CREB5: variants seen among roughly 807,000 people sequenced by gnomAD.
The protein encoded by CREB5 is cyclic AMP-responsive element-binding protein 5.
Under a neutral mutation model 57.1 loss-of-function variants are expected in CREB5, and 19 were observed. That is an observed-to-expected ratio of 0.33 (90% CI 0.23 to 0.49). The LOEUF is 0.49. CREB5 is among the 20% of genes least tolerant of loss of function. The pLI is 0.99. For missense variants in CREB5, 579 were observed against 671.6 expected, an observed-to-expected ratio of 0.86 and a Z score of 1.52; for synonymous variants, 238 against 238.3, an observed-to-expected ratio of 1.00 and a Z score of 0.01.
intron 5 of CREB5, among the ~76,000 whole-genome samples, chr7:28,687,509 G>A (rs1307238233): frequency 6.7e-6 from 1 of 149,056 alleles, no homozygotes; most frequent in African/African-American, 2.5e-5. Context: ...GTGATATGCT[G>A]CCTGAGTTGG....
chr7:28,591,558 C>T (rs536172755), intron 5 of CREB5, among the ~76,000 whole-genome samples: 2 of 152,246 alleles, frequency 1.3e-5, no homozygotes, highest in South Asian at 4.1e-4. Flanking sequence ...CTTCCACCTG[C>T]CTTCAGAAAC....
At chr7:28,728,884 G>C (rs1320524064) in intron 7 of CREB5, among the ~76,000 whole-genome samples, 1 of 152,030 alleles carries the variant, frequency 6.6e-6, no homozygotes, top group East Asian at 1.9e-4. Flanking sequence ...TGATTTCTTT[G>C]AAAAATACCT....
intron 1 of CREB5, among the ~76,000 whole-genome samples, chr7:28,304,029 G>A (rs556874409): frequency 8.6e-4 from 131 of 152,296 alleles, no homozygotes; most frequent in Middle Eastern, 3.4e-3. Context: ...CATTTGGAAT[G>A]CTATAATGTG....
intron 5 of CREB5, among the ~76,000 whole-genome samples, chr7:28,629,728 C>T (rs1478938250): frequency 6.6e-6 from 1 of 152,132 alleles, no homozygotes; most frequent in Non-Finnish European, 1.5e-5. Context: ...GCTGTCTCAG[C>T]TTTTTATAAG....
chr7:28,511,047 G>A (rs1792680389), intron 4 of CREB5, among the ~76,000 whole-genome samples: 4 of 151,762 alleles, frequency 2.6e-5, no homozygotes, highest in Non-Finnish European at 4.4e-5. Flanking sequence ...ACTGAATAAA[G>A]ATGATAAAAA....
At chr7:28,619,686 C>A (rs149841236) in intron 5 of CREB5, among the ~76,000 whole-genome samples, 1 of 152,228 alleles carries the variant, frequency 6.6e-6, no homozygotes, top group African/African-American at 2.4e-5. Context: ...GTGTCATGTA[C>A]ATAAAACTAT....
intron 5 of CREB5, among the ~76,000 whole-genome samples, chr7:28,614,666 A>G (rs1194098435): frequency 6.6e-6 from 1 of 152,214 alleles, no homozygotes; most frequent in Non-Finnish European, 1.5e-5. Context: ...AAGAATTTAG[A>G]AAAACAGCCT....
intron 4 of CREB5, among the ~76,000 whole-genome samples, chr7:28,536,333 G>T (rs1793966209): frequency 6.6e-6 from 1 of 152,146 alleles, no homozygotes; most frequent in African/African-American, 2.4e-5. Context: ...GAGTCTGTCT[G>T]TTTCTTTTCT....
At chr7:28,785,164 T>A (rs1216584779) in intron 7 of CREB5, among the ~76,000 whole-genome samples, 1 of 152,180 alleles carries the variant, frequency 6.6e-6, no homozygotes, top group African/African-American at 2.4e-5. Context: ...TGTGTAGACA[T>A]CATTAGGCTT....
intron 1 of CREB5, among the ~76,000 whole-genome samples, chr7:28,336,127 T>C (rs1583685947): frequency 6.6e-6 from 1 of 152,310 alleles, no homozygotes; most frequent in East Asian, 1.9e-4. Flanking sequence ...TTTGAATTAA[T>C]GTTCATCAGA....
intron 4 of CREB5, among the ~76,000 whole-genome samples, chr7:28,528,103 T>C (rs963323437): frequency 6.6e-6 from 1 of 152,216 alleles, no homozygotes; most frequent in Non-Finnish European, 1.5e-5. Context: ...TTTTGTTTAG[T>C]TCAGGCCAGA....
At chr7:28,413,313 A>AAAAACAATAAAAC (rs1272951782) in intron 1 of CREB5, among the ~76,000 whole-genome samples, 1 of 152,152 alleles carries the variant, frequency 6.6e-6, no homozygotes, top group Non-Finnish European at 1.5e-5. Context: ...AAAATTAAAA[A>AAAAACAATAAAAC]AAAACAATAA....
At chr7:28,560,941 CGTGTGTGTGCGTGTGTGTGCGTGT>C (rs1562798028) in intron 4 of CREB5, among the ~76,000 whole-genome samples, 5 of 44,676 alleles carry the variant, frequency 1.1e-4, no homozygotes, top group Non-Finnish European at 1.6e-4. Context: ...TGTGTGCGTG[CGTGTGTGTGCGTGTGTGTGCGTGT>C]GTGTGTGCGT....
In CREB5 at chr7:28,789,326, T is replaced by C. The variant is rs1206975434; in HGVS notation, c.703-14873T>C. Among the ~76,000 whole-genome samples, 3 of 152,340 alleles carry C rather than the reference T, an allele frequency of 2.0e-5. No homozygotes were observed. In the East Asian group the frequency reaches 5.8e-4, roughly 29 times the overall value. On this transcript the variant is annotated intron_variant, in intron 7 of 10. Coordinates refer to ENST00000357727, the MANE Select transcript of CREB5 (RefSeq NM_182898.4). Reference sequence around the variant, plus strand: ...AGTTCCGAAATGAACAAAGTTGATTTACTGTGAGAGTGTTCGCCTCTTAGC... The same window carrying C: ...AGTTCCGAAATGAACAAAGTTGATTCACTGTGAGAGTGTTCGCCTCTTAGC...
intron 1 of CREB5, among the ~76,000 whole-genome samples, chr7:28,386,487 G>A (rs910258513): frequency 2.0e-5 from 3 of 152,104 alleles, no homozygotes; most frequent in Non-Finnish European, 2.9e-5. Flanking sequence ...TTGCAGCTTC[G>A]TTGATGGGTG....
intron 5 of CREB5, among the ~76,000 whole-genome samples, chr7:28,659,764 A>G (rs548439195): frequency 6.6e-6 from 1 of 152,348 alleles, no homozygotes; most frequent in Non-Finnish European, 1.5e-5. Flanking sequence ...CAGTGGTTCA[A>G]GATGACAAAC....
chr7:28,589,160 A>C (rs1342832195), intron 5 of CREB5, among the ~76,000 whole-genome samples: 1 of 152,226 alleles, frequency 6.6e-6, no homozygotes, highest in African/African-American at 2.4e-5. Flanking sequence ...ATAGCTGTAC[A>C]TCTATCCATC....
intron 1 of CREB5, among the ~76,000 whole-genome samples, chr7:28,313,372 G>C (rs751297438): frequency 6.6e-6 from 1 of 152,154 alleles, no homozygotes; most frequent in Non-Finnish European, 1.5e-5. Context: ...TAGGCTGTTT[G>C]TCTTGCCCTT....
chr7:28,312,708 G>A (rs1012322629), intron 1 of CREB5, among the ~76,000 whole-genome samples: 1 of 152,142 alleles, frequency 6.6e-6, no homozygotes, highest in Non-Finnish European at 1.5e-5. Context: ...GTAAAGGTAG[G>A]TCCAGGTGTC....
Sources: allele counts gnomAD v4.1 joint callset (sites outside exome capture counted in the v4.1 genomes callset), GRCh38; gene constraint gnomAD v4.1.1; transcripts MANE v1.5; gene names NCBI Gene and HGNC (gene_info 2026-07-23, HGNC 2026-07-21).